NCAM2: variants seen among roughly 807,000 people sequenced by gnomAD.
The protein encoded by NCAM2 is N-CAM-2.
A neutral mutation model predicts 98.1 loss-of-function variants in NCAM2; 30 were observed. The observed-to-expected ratio is 0.31, with a 90% CI of 0.23 to 0.41. The LOEUF (loss-of-function observed/expected upper bound fraction) is 0.41, where lower values mean the gene tolerates loss of function less well. NCAM2 is among the 10% of genes least tolerant of loss of function. The pLI is 1.00. For missense variants in NCAM2, 867 were observed against 1,005.8 expected, an observed-to-expected ratio of 0.86 and a Z score of 1.87; for synonymous variants, 368 against 342.4, an observed-to-expected ratio of 1.07 and a Z score of -0.83.
At chr21:21,419,256 T>A (rs1471225230) in intron 11 of NCAM2, among the ~76,000 whole-genome samples, 1 of 151,840 alleles carries the variant, frequency 6.6e-6, no homozygotes, top group Non-Finnish European at 1.5e-5. Context: ...AAAACCTGAT[T>A]CTAATCCCTC....
At chr21:21,522,291 G>T (rs968575786) in intron 16 of NCAM2, among the ~76,000 whole-genome samples, 1 of 148,684 alleles carries the variant, frequency 6.7e-6, no homozygotes, top group Non-Finnish European at 1.5e-5. Flanking sequence ...ATATATGAAT[G>T]AATGATATAT....
At chr21:21,399,875 A>G (rs745903040) in intron 9 of NCAM2, among the ~76,000 whole-genome samples, 17 of 152,230 alleles carry the variant, frequency 1.1e-4, no homozygotes, top group Non-Finnish European at 2.2e-4. Context: ...AAAATATTTC[A>G]GAGCCAAAGG....
intron 5 of NCAM2, among the ~76,000 whole-genome samples, chr21:21,304,340 G>T (rs1198910780): frequency 1.3e-5 from 2 of 148,228 alleles, no homozygotes; most frequent in African/African-American, 4.9e-5. Context: ...TTTTTTTTTG[G>T]CATGTGAATG....
In NCAM2 at chr21:21,456,785, A is replaced by T. The variant is rs143094471; in HGVS notation, c.1655-9821A>T. On this transcript the variant is annotated intron_variant, in intron 12 of 17. Transcript: ENST00000400546. ...TAAGGGCAAAATGCTCATGAGTAGGATTGGTGCCCTTTTAAAAGATATTCC... is the reference window on the plus strand; with the variant it reads ...TAAGGGCAAAATGCTCATGAGTAGGTTTGGTGCCCTTTTAAAAGATATTCC... Among the ~76,000 whole-genome samples the T allele has an allele frequency of 3.9e-5, 6 of 152,214 alleles. No homozygotes were observed. The East Asian group carries it at 1.2e-3, about 30-fold the overall frequency.
chr21:21,060,709 C>A (rs560911653), intron 1 of NCAM2, among the ~76,000 whole-genome samples: 21 of 152,196 alleles, frequency 1.4e-4, no homozygotes, highest in African/African-American at 4.6e-4. Flanking sequence ...CATAGACACA[C>A]ACAGACATTT....
intron 1 of NCAM2, among the ~76,000 whole-genome samples, chr21:21,038,736 TGA>T (rs1393034617): frequency 6.6e-6 from 1 of 152,166 alleles, no homozygotes; most frequent in Non-Finnish European, 1.5e-5. Context: ...CATAGCAGTG[TGA>T]GAACAGACCA....
intron 6 of NCAM2, among the ~76,000 whole-genome samples, chr21:21,330,784 G>A (rs990687633): frequency 1.3e-5 from 2 of 151,760 alleles, no homozygotes; most frequent in African/African-American, 2.4e-5. Context: ...ATTATTTAAG[G>A]GCTTTAAGGA....
At chr21:21,183,964 A>G (rs1445847283) in intron 1 of NCAM2, among the ~76,000 whole-genome samples, 1 of 152,140 alleles carries the variant, frequency 6.6e-6, no homozygotes, top group Non-Finnish European at 1.5e-5. Flanking sequence ...GCTGACCACT[A>G]CATTTTAATC....
chr21:21,345,762 A>C (rs2075170587), intron 8 of NCAM2, among the ~76,000 whole-genome samples: 1 of 152,116 alleles, frequency 6.6e-6, no homozygotes, highest in Non-Finnish European at 1.5e-5. Flanking sequence ...ACCGCAGGAA[A>C]GTTATAGAAC....
chr21:21,003,569 C>G (rs1433305914), intron 1 of NCAM2, among the ~76,000 whole-genome samples: 1 of 152,120 alleles, frequency 6.6e-6, no homozygotes, highest in African/African-American at 2.4e-5. Flanking sequence ...TATGTGTAGG[C>G]AGGCACCTTA....
At chr21:21,059,249 A>C (rs1601237128) in intron 1 of NCAM2, among the ~76,000 whole-genome samples, 2 of 152,188 alleles carry the variant, frequency 1.3e-5, no homozygotes, top group South Asian at 4.1e-4. Context: ...CCAGGAAAAA[A>C]GCTTTCTGCA....
chr21:21,123,848 C>CTTTTTTGTTTTTTTTTTTTTTTTT (rs2066728256), intron 1 of NCAM2, among the ~76,000 whole-genome samples: 1 of 86,656 alleles, frequency 1.2e-5, no homozygotes, highest in Non-Finnish European at 2.0e-5. Context: ...TTCTTGATTG[C>CTTTTTTGTTTTTTTTTTTTTTTTT]TTTTTTTTTT....
At chr21:21,226,157 C>T (rs955635405) in intron 1 of NCAM2, among the ~76,000 whole-genome samples, 16 of 151,890 alleles carry the variant, frequency 1.1e-4, no homozygotes, top group East Asian at 1.9e-4. Flanking sequence ...ATTTCAAAAG[C>T]GGGGAGAGAA....
chr21:21,182,867 C>G (rs933020488), intron 1 of NCAM2, among the ~76,000 whole-genome samples: 2 of 152,142 alleles, frequency 1.3e-5, no homozygotes, highest in Non-Finnish European at 2.9e-5. Context: ...TCGTTTTAGT[C>G]ACTTACTCAA....
At chr21:21,019,627 A>T (rs2064386227) in intron 1 of NCAM2, among the ~76,000 whole-genome samples, 1 of 152,208 alleles carries the variant, frequency 6.6e-6, no homozygotes, top group African/African-American at 2.4e-5. Context: ...GAGCCAATTT[A>T]TAATTATTTT....
chr21:21,125,098 G>T (rs2066760703), intron 1 of NCAM2, among the ~76,000 whole-genome samples: 3 of 151,902 alleles, frequency 2.0e-5, no homozygotes, highest in Middle Eastern at 3.4e-3. Flanking sequence ...TATGTCTATT[G>T]TACATGTCTG....
At chr21:21,401,863 T>C (rs2145875436) in intron 9 of NCAM2, among the ~76,000 whole-genome samples, 1 of 152,304 alleles carries the variant, frequency 6.6e-6, no homozygotes, top group Middle Eastern at 3.4e-3. Context: ...TCAGGGACCC[T>C]GAACAGAGGG....
intron 1 of NCAM2, among the ~76,000 whole-genome samples, chr21:21,182,226 C>T (rs1028687252): frequency 6.6e-6 from 1 of 151,680 alleles, no homozygotes; most frequent in Non-Finnish European, 1.5e-5. Context: ...ATAAACCTTC[C>T]CATGTTGATT....
intron 1 of NCAM2, among the ~76,000 whole-genome samples, chr21:21,238,995 C>T (rs2070955797): frequency 6.6e-6 from 1 of 152,084 alleles, no homozygotes; most frequent in South Asian, 2.1e-4. Context: ...ATTAGATTCC[C>T]AATTTCCTTC....
Sources: gnomAD v4.1 joint callset for allele counts (sites outside exome capture counted in the v4.1 genomes callset) on GRCh38, gnomAD v4.1.1 for gene constraint, MANE v1.5 for transcripts, NCBI Gene and HGNC (gene_info 2026-07-23, HGNC 2026-07-21) for gene names.